The following EFNA5 variants were observed in gnomAD, a reference collection of about 807,000 sequenced individuals.
EFNA5 encodes the protein ephrin-A5.
EFNA5 carries 5 observed loss-of-function variants against 22.9 expected under a neutral mutation model. That is an observed-to-expected ratio of 0.22 (90% CI 0.11 to 0.46). The LOEUF (loss-of-function observed/expected upper bound fraction) is 0.46. Ranked by LOEUF, EFNA5 falls within the 20% of genes least tolerant of loss-of-function variation. The probability of loss-of-function intolerance (pLI) is 0.99; values close to 1 mark genes in which losing one functional copy is unlikely to be tolerated. For synonymous variants in EFNA5, 113 were observed against 112.2 expected, an observed-to-expected ratio of 1.01 and a Z score of -0.04; for missense variants, 237 against 293.3, an observed-to-expected ratio of 0.81 and a Z score of 1.40.
In EFNA5 at chr5:107,553,432, A is replaced by G. The variant is rs538824092; in HGVS notation, c.125+117057T>C. 3.3e-5 allele frequency among the ~76,000 whole-genome samples: 5 copies of G among 152,222 alleles called. 1 individual carries two copies. Among genetic ancestry groups the G allele is most frequent in the African/African-American group, 7.2e-5 (3 of 41,538 alleles). On this transcript the variant is annotated intron_variant, in intron 1 of 4. Transcript: ENST00000333274. Reference sequence around the variant, plus strand: ...TTTCAAAGCTTGGTGAGAGTAATCTACTCCATAGGGTCAAGGCCACAGTCA... The same window carrying G: ...TTTCAAAGCTTGGTGAGAGTAATCTGCTCCATAGGGTCAAGGCCACAGTCA...
chr5:107,521,645 C>G (rs1401300103), intron 1 of EFNA5, among the ~76,000 whole-genome samples: 1 of 151,848 alleles, frequency 6.6e-6, no homozygotes, highest in Admixed American at 6.6e-5. Context: ...TTACTGGGAA[C>G]TGCAACTCAC....
chr5:107,481,851 A>AG (rs950622438), intron 1 of EFNA5, among the ~76,000 whole-genome samples: 17 of 146,096 alleles, frequency 1.2e-4, no homozygotes, highest in African/African-American at 4.2e-4. Context: ...CTCCATCTCA[A>AG]AAAAAAAAAA....
At chr5:107,421,076 T>C (rs1257203587) in intron 2 of EFNA5, among the ~76,000 whole-genome samples, 1 of 152,204 alleles carries the variant, frequency 6.6e-6, no homozygotes, top group Non-Finnish European at 1.5e-5. Flanking sequence ...AATCAAATGA[T>C]TTCTGAAGCT....
In EFNA5 at chr5:107,591,562, C is replaced by A. The variant is rs560354652; in HGVS notation, c.125+78927G>T. Among the ~76,000 whole-genome samples the A allele has an allele frequency of 7.9e-5, 12 of 151,780 alleles. No individual in the cohort carries two copies. In the South Asian group the frequency reaches 8.3e-4, roughly 11 times the overall value. On this transcript the variant is annotated intron_variant, in intron 1 of 4. Coordinates refer to ENST00000333274, the MANE Select transcript of EFNA5 (RefSeq NM_001962.3). ...TTGAGGCCGGGTGCAGTGGCTCACACTGTAATCCCAGCACTTTGGAATCCC... is the reference window on the plus strand; with the variant it reads ...TTGAGGCCGGGTGCAGTGGCTCACAATGTAATCCCAGCACTTTGGAATCCC...
At chr5:107,660,265 T>TATATATATAA (rs1385809081) in intron 1 of EFNA5, among the ~76,000 whole-genome samples, 43 of 11,020 alleles carry the variant, frequency 3.9e-3, no homozygotes, top group Non-Finnish European at 4.5e-3. Context: ...CAAAAACATA[T>TATATATATAA]ATATATATAT....
intron 1 of EFNA5, among the ~76,000 whole-genome samples, chr5:107,648,963 A>G (rs1200002113): frequency 6.6e-6 from 1 of 152,176 alleles, no homozygotes; most frequent in Non-Finnish European, 1.5e-5. Context: ...AGTTTTTAAA[A>G]AAGAAGTTTT....
At chr5:107,600,043 A>G (rs1749561071) in intron 1 of EFNA5, among the ~76,000 whole-genome samples, 1 of 152,242 alleles carries the variant, frequency 6.6e-6, no homozygotes, top group Non-Finnish European at 1.5e-5. Flanking sequence ...AACAAAACCC[A>G]GAATGACAGA....
At chr5:107,389,767 G>A (rs1747735214) in intron 2 of EFNA5, among the ~76,000 whole-genome samples, 1 of 152,108 alleles carries the variant, frequency 6.6e-6, no homozygotes, top group African/African-American at 2.4e-5. Flanking sequence ...CTCTCAAGGA[G>A]GGACACAGTC....
chr5:107,648,428 T>C (rs956880786), intron 1 of EFNA5, among the ~76,000 whole-genome samples: 1 of 152,220 alleles, frequency 6.6e-6, no homozygotes, highest in African/African-American at 2.4e-5. Context: ...TACTTCTTAC[T>C]TCCTTCCAAA....
chr5:107,466,345 C>T (rs915777818), intron 1 of EFNA5, among the ~76,000 whole-genome samples: 3 of 152,074 alleles, frequency 2.0e-5, no homozygotes, highest in Admixed American at 2.0e-4. Context: ...CCTCCCTGCC[C>T]AGTCAGCTAG....
intron 1 of EFNA5, among the ~76,000 whole-genome samples, chr5:107,585,907 G>C (rs1749177514): frequency 6.6e-6 from 1 of 152,186 alleles, no homozygotes. Context: ...GGACAGTTTA[G>C]TTCACTGGTA....
At chr5:107,381,730 C>A (rs532851936) in intron 4 of EFNA5, among the ~76,000 whole-genome samples, 103 of 150,654 alleles carry the variant, frequency 6.8e-4, no homozygotes, top group African/African-American at 2.5e-3. Flanking sequence ...ATGTCACAGG[C>A]AAGCAAGTGA....
At chr5:107,519,302 G>A (rs1747546330) in intron 1 of EFNA5, among the ~76,000 whole-genome samples, 1 of 152,220 alleles carries the variant, frequency 6.6e-6, no homozygotes, top group African/African-American at 2.4e-5. Flanking sequence ...AACTGCAGGA[G>A]TACATGTGCT....
intron 1 of EFNA5, among the ~76,000 whole-genome samples, chr5:107,578,351 T>C (rs1748969362): frequency 6.6e-6 from 1 of 152,174 alleles, no homozygotes; most frequent in Non-Finnish European, 1.5e-5. Context: ...TTGAGAAATG[T>C]TGATGATAAT....
chr5:107,441,601 G>A (rs1749258389), intron 1 of EFNA5, among the ~76,000 whole-genome samples: 1 of 152,082 alleles, frequency 6.6e-6, no homozygotes, highest in Middle Eastern at 3.2e-3. Flanking sequence ...AGCTGTGGGA[G>A]GTGCCTATTG....
chr5:107,464,095 AG>A (rs1237416900), intron 1 of EFNA5, among the ~76,000 whole-genome samples: 2 of 152,178 alleles, frequency 1.3e-5, no homozygotes, highest in African/African-American at 4.8e-5. Context: ...AGGGGACAGT[AG>A]GAATTTCATG....
intron 1 of EFNA5, among the ~76,000 whole-genome samples, chr5:107,463,560 G>A (rs187450303): frequency 3.9e-5 from 6 of 152,050 alleles, no homozygotes; most frequent in Admixed American, 2.0e-4. Context: ...TAAAACACTC[G>A]GATTCAGTAA....
chr5:107,585,109 G>A (rs1209386973), intron 1 of EFNA5, among the ~76,000 whole-genome samples: 1 of 152,140 alleles, frequency 6.6e-6, no homozygotes, highest in African/African-American at 2.4e-5. Flanking sequence ...ATCTACCCTG[G>A]GAATAAATCC....
At chr5:107,561,467 C>T (rs1157311183) in intron 1 of EFNA5, among the ~76,000 whole-genome samples, 1 of 152,088 alleles carries the variant, frequency 6.6e-6, no homozygotes, top group Non-Finnish European at 1.5e-5. Context: ...CTCCTGGGTT[C>T]AAGCAATTCT....
Sources: allele counts gnomAD v4.1 joint callset (sites outside exome capture counted in the v4.1 genomes callset), GRCh38; gene constraint gnomAD v4.1.1; transcripts MANE v1.5; gene names NCBI Gene and HGNC (gene_info 2026-07-23, HGNC 2026-07-21).